The following TCF4 variants were observed in gnomAD, a reference collection of about 807,000 sequenced individuals.
TCF4 encodes the protein transcription factor 4, also known as SL3-3 enhancer factor 2.
A neutral mutation model predicts 82.1 loss-of-function variants in TCF4; 3 were observed. That is an observed-to-expected ratio of 0.04 (90% CI 0.02 to 0.09). The LOEUF is 0.09. Among genes scored for constraint, TCF4 ranks in the 10% least tolerant of loss-of-function variants. TCF4 has a pLI of 1.00. For synonymous variants in TCF4, 276 were observed against 309.6 expected (o/e 0.89, Z 1.14); for missense variants, 518 against 852.7 (o/e 0.61, Z 4.89).
Position 55,383,423 on chromosome 18 carries a change from A to T in TCF4, c.369+20031T>A, listed in dbSNP as rs570196392. Among the ~76,000 whole-genome samples, 32 of 152,276 alleles carry T rather than the reference A, an allele frequency of 2.1e-4. 1 individual carries two copies. The highest frequency in any genetic ancestry group is 7.5e-4 in the African/African-American group (31 of 41,558). ...CTCCTGATAAACCTAGGATACCACT[A>T]AATCACTTCCAAATATAGCAAGCAC... On this transcript the variant is annotated intron_variant, in intron 6 of 19. Coordinates refer to ENST00000354452, the MANE Select transcript of TCF4 (RefSeq NM_001083962.2).
chr18:55,304,065 G>T (rs2069307647), intron 8 of TCF4, among the ~76,000 whole-genome samples: 1 of 152,152 alleles, frequency 6.6e-6, no homozygotes, highest in Admixed American at 6.5e-5. Context: ...TTAAGGAAAG[G>T]ATATTAGCAT....
rs1178030103 is a variant in TCF4 at position 55,262,622 on chromosome 18, CCTT to C, written c.923-1092_923-1090del. ...CAGCCCCATTCTTGAACTAAGAGAGCCTTCTTTCTTACAAATGTGTTGTCATCA... is the reference window on the plus strand; with the variant it reads ...CAGCCCCATTCTTGAACTAAGAGAGCCTTTCTTACAAATGTGTTGTCATCA... On this transcript the variant is annotated intron_variant, in intron 11 of 19. Coordinates refer to ENST00000354452, the MANE Select transcript of TCF4 (RefSeq NM_001083962.2). 2.0e-5 allele frequency among the ~76,000 whole-genome samples: 3 copies of C among 152,212 alleles called. No individual in the cohort carries two copies. The East Asian group carries it at 5.8e-4, about 29-fold the overall frequency.
At chr18:55,484,107 A>C (rs913843588) in intron 3 of TCF4, among the ~76,000 whole-genome samples, 2 of 152,030 alleles carry the variant, frequency 1.3e-5, no homozygotes, top group Non-Finnish European at 2.9e-5. Context: ...CCTCTTACCT[A>C]TTTTCTTATG....
upstream of TCF4, chr18:55,588,397 C>A: frequency 6.5e-7 from 1 of 1,532,910 alleles, no homozygotes; most frequent in Non-Finnish European, 8.7e-7. Context: ...GCACCCACCC[C>A]GAGGGGAAAA....
Position 55,225,772 on chromosome 18 carries a change from T to C in TCF4, c.*2263A>G, listed in dbSNP as rs900215420. 2.6e-5 allele frequency: 4 copies of C among 152,598 alleles called. No homozygotes were observed. The highest frequency in any genetic ancestry group is 2.6e-4 in the Admixed American group (4 of 15,278). The allele number at this position is 152,598 out of a possible 1,614,324, so 9.5% of individuals were successfully genotyped here. On this transcript the variant is annotated 3_prime_UTR_variant, in exon 20 of 20. Transcript: ENST00000354452. ...TTTCATGAAGTTTGATTTCTGCTAT[T>C]CTCCTAAGGTTTTAATCCACCTCCA...
intron 6 of TCF4, among the ~76,000 whole-genome samples, chr18:55,359,027 T>C (rs566200932): frequency 5.9e-5 from 9 of 152,364 alleles, no homozygotes; most frequent in Non-Finnish European, 1.3e-4. Flanking sequence ...TGTTATATTA[T>C]AATGTAAGTT....
At chr18:55,585,899 CCTCT>C (rs1220076333) in intron 2 of TCF4, 28 of 1,224,180 alleles carry the variant, frequency 2.3e-5, no homozygotes, top group Non-Finnish European at 2.7e-5. Context: ...TCTTTCACTC[CCTCT>C]CTCTCCAGCA....
intron 6 of TCF4, among the ~76,000 whole-genome samples, chr18:55,390,399 A>G (rs538547795): frequency 6.6e-6 from 1 of 152,034 alleles, no homozygotes; most frequent in Admixed American, 6.5e-5. Context: ...GCATGTGAGG[A>G]TCTTCAGTGG....
intron 3 of TCF4, among the ~76,000 whole-genome samples, chr18:55,534,944 T>C (rs1217057362): frequency 6.6e-6 from 1 of 152,204 alleles, no homozygotes; most frequent in Non-Finnish European, 1.5e-5. Flanking sequence ...ATGTGTCCAA[T>C]CTATTCTATC....
rs1286001390 is a variant in TCF4 at position 55,275,837 on chromosome 18, A to C, written c.656-85T>G. On this transcript the variant is annotated intron_variant, in intron 9 of 19. Transcript: ENST00000354452. ...GGGTTTTTTCATATACTTGAAAATG[A>C]CTGCCTGTTGTGTTATTCATCTTTG... The C allele has an allele frequency of 9.1e-6, 14 of 1,537,472 alleles. No individual in the cohort carries two copies. The East Asian group carries it at 3.2e-4, about 35-fold the overall frequency.
chr18:55,399,063 T>A (rs1408163834), intron 6 of TCF4, among the ~76,000 whole-genome samples: 1 of 152,194 alleles, frequency 6.6e-6, no homozygotes, highest in Non-Finnish European at 1.5e-5. Context: ...AATTGCCAAT[T>A]TCGTAATAAA....
At chr18:55,560,205 A>G (rs1386119335) in intron 3 of TCF4, among the ~76,000 whole-genome samples, 1 of 152,226 alleles carries the variant, frequency 6.6e-6, no homozygotes, top group African/African-American at 2.4e-5. Context: ...CAAATGACCC[A>G]TGATGATCCA....
intron 6 of TCF4, among the ~76,000 whole-genome samples, chr18:55,394,283 C>T (rs975869908): frequency 1.6e-4 from 24 of 152,174 alleles, no homozygotes; most frequent in Non-Finnish European, 2.9e-5. Flanking sequence ...CCCCCATGTA[C>T]AGAACTCTAG....
chr18:55,486,280 A>G (rs1251378124), intron 3 of TCF4, among the ~76,000 whole-genome samples: 1 of 152,206 alleles, frequency 6.6e-6, no homozygotes, highest in African/African-American at 2.4e-5. Context: ...TCCTTGAAGC[A>G]GGACTCTTAA....
chr18:55,267,477 A>C (rs1468906247), intron 11 of TCF4: 1 of 152,276 alleles, frequency 6.6e-6, no homozygotes, highest in Admixed American at 6.5e-5. Flanking sequence ...AGAGAACTTA[A>C]GTGTGAAAAA....
rs758453167 is a variant in TCF4 at position 55,351,020 on chromosome 18, G to A, written c.370-17C>T. ...GAGACTCTGCTAAAAGGTTAAAAAG[G>A]GAAAACAAACATATAAGGTTAATTT... is the stretch of plus-strand genomic sequence containing the variant. On this transcript the variant is annotated splice_polypyrimidine_tract_variant and intron_variant, in intron 6 of 19. Transcript: ENST00000354452. The A allele has an allele frequency of 5.0e-6, 8 of 1,612,596 alleles. No homozygotes were observed. In the African/African-American group the frequency reaches 8.0e-5, roughly 16 times the overall value.
intron 3 of TCF4, among the ~76,000 whole-genome samples, chr18:55,536,409 A>T: frequency 6.6e-6 from 1 of 152,216 alleles, no homozygotes; most frequent in African/African-American, 2.4e-5. Context: ...ATGAAACCAT[A>T]GCTCTATAGG....
intron 15 of TCF4, among the ~76,000 whole-genome samples, chr18:55,239,277 G>A (rs571366974): frequency 6.6e-6 from 1 of 152,168 alleles, no homozygotes; most frequent in South Asian, 2.1e-4. Context: ...CGAGGGCTTG[G>A]AGGACCTTGG....
At chr18:55,570,374 G>T (rs1402356101) in intron 3 of TCF4, among the ~76,000 whole-genome samples, 1 of 152,050 alleles carries the variant, frequency 6.6e-6, no homozygotes, top group African/African-American at 2.4e-5. Context: ...ACCATAGAGA[G>T]AGTAAAAGTC....
Sources: gnomAD v4.1 joint callset for allele counts (sites outside exome capture counted in the v4.1 genomes callset) on GRCh38, gnomAD v4.1.1 for gene constraint, MANE v1.5 for transcripts, NCBI Gene and HGNC (gene_info 2026-07-23, HGNC 2026-07-21) for gene names.